MEAF6: variants seen among roughly 807,000 people sequenced by gnomAD.
MEAF6 encodes the protein chromatin modification-related protein MEAF6.
MEAF6 carries 15 observed loss-of-function variants against 28.9 expected under a neutral mutation model. The observed-to-expected ratio is 0.52, with a 90% CI of 0.35 to 0.80. The LOEUF is 0.80. Ranked by LOEUF, MEAF6 falls within the 30% of genes least tolerant of loss-of-function variation. The pLI, the probability that MEAF6 is intolerant of heterozygous loss-of-function variation, is 0.01. For synonymous variants in MEAF6, 97 were observed against 88.7 expected (o/e 1.09, Z -0.53); for missense variants, 178 against 237.5 (o/e 0.75, Z 1.65).
rs35527783 is a variant in MEAF6 at position 37,492,560 on chromosome 1, C to CAAAAAAAAAA, written c.*1529_*1538dup. On this transcript the variant is annotated 3_prime_UTR_variant, in exon 7 of 7. Coordinates refer to ENST00000296214, the MANE Select transcript of MEAF6 (RefSeq NM_001270875.3). ...AGTCAAAGATCTAAATAGCCAGAGT[C>CAAAAAAAAAA]AAAAAAAAAAAAAAAAAAAAACCCA... is the stretch of plus-strand genomic sequence containing the variant. The CAAAAAAAAAA allele has an allele frequency of 1.4e-5, 1 of 73,092 alleles. No homozygotes were observed. Among genetic ancestry groups the CAAAAAAAAAA allele is most frequent in the Non-Finnish European group, 2.5e-5 (1 of 40,206 alleles). 4.5% of individuals were successfully genotyped at this position (73,092 alleles called of 1,614,324 possible). A position where few individuals can be genotyped will look rare whatever the true frequency, so the allele number is the denominator to read the frequency against.
chr1:37,495,636 T>C (rs1021027750), intron 6 of MEAF6, among the ~76,000 whole-genome samples: 2 of 132,720 alleles, frequency 1.5e-5, no homozygotes, highest in Admixed American at 1.9e-4. Context: ...ACTGTGACTG[T>C]GATGATACTG....
chr1:37,513,042 T>C (rs1198780177), intron 2 of MEAF6, among the ~76,000 whole-genome samples: 1 of 151,754 alleles, frequency 6.6e-6, no homozygotes, highest in African/African-American at 2.4e-5. Flanking sequence ...ATAAAAAAAT[T>C]AGCCAGGCAT....
At chr1:37,508,708 T>C (rs1642567717) in intron 4 of MEAF6, among the ~76,000 whole-genome samples, 1 of 152,234 alleles carries the variant, frequency 6.6e-6, no homozygotes, top group Non-Finnish European at 1.5e-5. Context: ...GATTTATCAG[T>C]AATGAAATAT....
At chr1:37,506,068 C>G (rs1371978583) in intron 4 of MEAF6, among the ~76,000 whole-genome samples, 2 of 152,180 alleles carry the variant, frequency 1.3e-5, no homozygotes, top group Admixed American at 6.5e-5. Context: ...GTCAGGAGTT[C>G]AAGACCAGCC....
At position 37,490,919 on chromosome 1, in the gene MEAF6, C is replaced by T. The variant is rs543992930; in HGVS notation, c.*3180G>A. On this transcript the variant is annotated 3_prime_UTR_variant, in exon 7 of 7. Transcript: ENST00000296214. ...GCACGCGCCTGTAGTCTCAGCTACT[C>T]GAGAGGCTGAGGCGGAATAATTGCT... Among the ~76,000 whole-genome samples the T allele has an allele frequency of 1.2e-4, 19 of 152,110 alleles. No homozygotes were observed. The South Asian group carries it at 1.9e-3, about 15-fold the overall frequency.
intron 5 of MEAF6, among the ~76,000 whole-genome samples, chr1:37,499,420 A>G (rs1191277544): frequency 6.6e-6 from 1 of 152,194 alleles, no homozygotes; most frequent in Non-Finnish European, 1.5e-5. Context: ...TGCCAGCCCT[A>G]CTGAGATATC....
At chr1:37,504,854 A>ATTT (rs1481784922) in intron 4 of MEAF6, among the ~76,000 whole-genome samples, 2 of 151,872 alleles carry the variant, frequency 1.3e-5, no homozygotes, top group Admixed American at 1.3e-4. Context: ...CTTGTCAAAA[A>ATTT]AGGTCATGTG....
At chr1:37,496,779 T>C (rs1642140694) in intron 5 of MEAF6, 2 of 1,570,374 alleles carry the variant, frequency 1.3e-6, no homozygotes, top group East Asian at 4.6e-5. Flanking sequence ...TAGAAATTAA[T>C]ATACTAATTG....
chr1:37,494,299 A>G (rs974103056), intron 6 of MEAF6, among the ~76,000 whole-genome samples, 192 bp from the exon 7 acceptor site: 1 of 151,792 alleles, frequency 6.6e-6, no homozygotes, highest in East Asian at 1.9e-4. Flanking sequence ...GGAGATCACG[A>G]GGTCAGGAGT....
chr1:37,493,530 A>T lies in MEAF6; in HGVS notation c.*569T>A. On this transcript the variant is annotated 3_prime_UTR_variant, in exon 7 of 7. Coordinates refer to ENST00000296214, the MANE Select transcript of MEAF6 (RefSeq NM_001270875.3). ...ACTTATGATAAACCAGATTATTTTC[A>T]GTTATGAATATTGGCAACTGCATGA... 2.0e-6 allele frequency: 1 copy of T among 504,584 alleles called. No individual in the cohort carries two copies. The highest frequency in any genetic ancestry group is 3.5e-6 in the Non-Finnish European group (1 of 287,472). 31.3% of individuals were successfully genotyped at this position (504,584 alleles called of 1,614,324 possible). A position where few individuals can be genotyped will look rare whatever the true frequency, so the allele number is the denominator to read the frequency against.
At position 37,513,009 on chromosome 1, in the gene MEAF6, G is replaced by A. The variant is rs113144155; in HGVS notation, c.206+414C>T. Among the ~76,000 whole-genome samples the A allele has an allele frequency of 5.7e-3, 871 of 152,188 alleles. 7 individuals are homozygous for A. Among genetic ancestry groups the A allele is most frequent in the African/African-American group, 0.019 (802 of 41,504 alleles). On this transcript the variant is annotated intron_variant, in intron 2 of 6. Transcript: ENST00000296214. ...GTTCGAGACCAGCCAGGCCAACATG[G>A]AGAAACCTCGTCTCTACTAAAAATA...
intron 6 of MEAF6, 45 bp from the exon 7 acceptor site, chr1:37,494,152 AGTT>A (rs1642034342): frequency 6.5e-7 from 1 of 1,544,002 alleles, no homozygotes; most frequent in Admixed American, 1.7e-5. Flanking sequence ...TCGGCAGAAC[AGTT>A]GTTTGACCCT....
chr1:37,495,380 A>C (rs1239128329), intron 6 of MEAF6, among the ~76,000 whole-genome samples: 1 of 147,810 alleles, frequency 6.8e-6, no homozygotes, highest in Non-Finnish European at 1.5e-5. Flanking sequence ...AAATAAATAA[A>C]GTATGTGACC....
chr1:37,496,739 G>T, intron 5 of MEAF6: 1 of 1,597,584 alleles, frequency 6.3e-7, no homozygotes, highest in South Asian at 1.1e-5. Flanking sequence ...CAGACGGGCT[G>T]AGGGGCAGCA....
At chr1:37,496,019 G>T in intron 5 of MEAF6, 101 bp from the exon 6 acceptor site, 1 of 962,772 alleles carries the variant, frequency 1.0e-6, no homozygotes, top group Non-Finnish European at 1.7e-6. Context: ...AAGACTATTT[G>T]GTTAAGAAAA....
chr1:37,505,865 GAAC>G (rs1173988027), intron 4 of MEAF6, among the ~76,000 whole-genome samples: 1 of 152,134 alleles, frequency 6.6e-6, no homozygotes, highest in African/African-American at 2.4e-5. Context: ...AATGGTGCTG[GAAC>G]AACTAGATAT....
At position 37,513,558 on chromosome 1, in the gene MEAF6, G is replaced by A. The variant is rs774096136; in HGVS notation, c.91-20C>T. 2.9e-5 allele frequency: 45 copies of A among 1,547,834 alleles called. No individual in the cohort carries two copies. Among genetic ancestry groups the A allele is most frequent in the Non-Finnish European group, 3.9e-5 (44 of 1,119,690 alleles). Reference sequence around the variant, plus strand: ...TGTTTCCTGAGAGATGAAAAACAAGGACATGAATGATACCTTTTAAATGCA... The same window carrying A: ...TGTTTCCTGAGAGATGAAAAACAAGAACATGAATGATACCTTTTAAATGCA... On this transcript the variant is annotated intron_variant, in intron 1 of 6. Transcript: ENST00000296214.
At chr1:37,511,294 A>C (rs1004898425) in intron 2 of MEAF6, among the ~76,000 whole-genome samples, 4 of 152,228 alleles carry the variant, frequency 2.6e-5, no homozygotes, top group Admixed American at 6.5e-5. Flanking sequence ...CAGCTGGGAC[A>C]AATGTGGGAG....
chr1:37,501,035 T>C (rs945796028), intron 5 of MEAF6: 2 of 154,192 alleles, frequency 1.3e-5, no homozygotes, highest in Non-Finnish European at 2.9e-5. Context: ...CCGGACATTA[T>C]ACTCTTTAGG....
Sources: gnomAD v4.1 joint callset for allele counts (sites outside exome capture counted in the v4.1 genomes callset) on GRCh38, gnomAD v4.1.1 for gene constraint, MANE v1.5 for transcripts, NCBI Gene and HGNC (gene_info 2026-07-23, HGNC 2026-07-21) for gene names.